TRIM16: variants seen among roughly 807,000 people sequenced by gnomAD.
TRIM16 encodes the protein tripartite motif containing 16.
A neutral mutation model predicts 50.4 loss-of-function variants in TRIM16; 33 were observed. The ratio of observed to expected loss-of-function variants is 0.65; its 90% CI spans 0.50 to 0.88. TRIM16 has a LOEUF of 0.88. TRIM16 is among the 40% of genes least tolerant of loss of function. The pLI, the probability that TRIM16 is intolerant of heterozygous loss-of-function variation, is 0.00. For missense variants in TRIM16, 581 were observed against 686.8 expected, an observed-to-expected ratio of 0.85 and a Z score of 1.72; for synonymous variants, 229 against 270.7, an observed-to-expected ratio of 0.85 and a Z score of 1.51.
At chr17:15,643,007 A>G (rs1196840609) in intron 7 of TRIM16, 191 bp from the exon 8 acceptor site, 2 of 619,520 alleles carry the variant, frequency 3.2e-6, no homozygotes, top group Non-Finnish European at 4.2e-6. Flanking sequence ...GGCTGCAGTC[A>G]GCATGAGTCA....
At chr17:15,657,313 G>A (rs930062432) in intron 6 of TRIM16, among the ~76,000 whole-genome samples, 6 of 151,702 alleles carry the variant, frequency 4.0e-5, no homozygotes, top group South Asian at 2.1e-4. Flanking sequence ...CACAGCTCAC[G>A]GCAGCCTTGA....
chr17:15,636,036 C>G lies in TRIM16; in HGVS notation c.849G>C (p.Glu283Asp). Residue 283 changes from glutamate (E) to aspartate (D), a missense_variant and splice_region_variant, in exon 9 of 12, where the codon GAG becomes GAC. Physicochemically the swap from Glu to Asp is conservative, Grantham distance 45 (BLOSUM62 2). This residue lies in a region of TRIM16 where 450 missense variants were observed against 544.3 expected (regional missense o/e 0.83). Transcript: ENST00000649191. Reference sequence around the variant, plus strand: ...GCCTCTGCCCCCGCAACCCCCATACCTCCAAGAACTGGACAGTGTTGCTGA... The same window carrying G: ...GCCTCTGCCCCCGCAACCCCCATACGTCCAAGAACTGGACAGTGTTGCTGA... Reference protein sequence around the residue: ...AAISNTVQFLEEYCKFKNTED... With the variant: ...AAISNTVQFLDEYCKFKNTED... The G allele has an allele frequency of 1.2e-6, 2 of 1,611,750 alleles. No homozygotes were observed. The highest frequency in any genetic ancestry group is 4.5e-5 in the East Asian group (2 of 44,374).
intron 8 of TRIM16, among the ~76,000 whole-genome samples, chr17:15,636,721 C>T (rs1197471898): frequency 2.7e-5 from 4 of 146,622 alleles, no homozygotes; most frequent in Non-Finnish European, 6.0e-5. Flanking sequence ...TCCATCAGAG[C>T]CAAATGCATG....
chr17:15,652,528 T>A (rs1215214620), intron 6 of TRIM16, among the ~76,000 whole-genome samples: 1 of 134,248 alleles, frequency 7.4e-6, no homozygotes, highest in African/African-American at 2.9e-5. Flanking sequence ...CAGTGTGGGA[T>A]CTTGGCTCAC....
chr17:15,644,839 G>A (rs1254418035), intron 7 of TRIM16, among the ~76,000 whole-genome samples: 3 of 151,682 alleles, frequency 2.0e-5, no homozygotes, highest in Non-Finnish European at 4.4e-5. Flanking sequence ...TTTTTGAGAT[G>A]GAGTCTCACA....
At chr17:15,670,477 CT>C (rs971171679) in intron 6 of TRIM16, among the ~76,000 whole-genome samples, 2 of 152,028 alleles carry the variant, frequency 1.3e-5, no homozygotes, top group African/African-American at 4.8e-5. Flanking sequence ...ACAGAAAGGT[CT>C]TTTTTTTATG....
Position 15,636,078 on chromosome 17 carries a change from C to T in TRIM16, c.807G>A (p.Leu269=), listed in dbSNP as rs1417730260. The T allele has an allele frequency of 2.5e-6, 4 of 1,609,590 alleles. No homozygotes were observed. The highest frequency in any genetic ancestry group is 3.4e-6 in the Non-Finnish European group (4 of 1,178,838). Residue 269 remains leucine (L), a synonymous_variant, in exon 9 of 12, where the codon CTG becomes CTA. Transcript: ENST00000649191. ...SAEMEKSKQE[L]ERMAAISNTV... Reference sequence around the variant, plus strand: ...TGTTGCTGATGGCCGCCATCCTCTCCAGCTCCTGCTTGCTCTTCTCCATCT... The same window carrying T: ...TGTTGCTGATGGCCGCCATCCTCTCTAGCTCCTGCTTGCTCTTCTCCATCT...
At chr17:15,643,393 C>T (rs1987204835) in intron 7 of TRIM16, 1 of 137,798 alleles carries the variant, frequency 7.3e-6, no homozygotes, top group Admixed American at 6.7e-5. Flanking sequence ...TTAACCCAGA[C>T]ATTCCTAAGT....
At chr17:15,684,053 C>T (rs1268788225) in intron 1 of TRIM16, 143 bp downstream of exon 1, 1 of 152,390 alleles carries the variant, frequency 6.6e-6, no homozygotes, top group African/African-American at 2.4e-5. Flanking sequence ...AAGACACGCT[C>T]CAGGGGCAGA....
chr17:15,631,673 G>A lies in TRIM16; in HGVS notation c.1057C>T (p.Arg353Cys), dbSNP rs1230655950. Residue 353 changes from arginine to cysteine, a missense_variant, in exon 11 of 12, where the codon CGC becomes TGC. Arg to Cys is a radical substitution (Grantham distance 180). Around this residue, in one of 3 missense-constraint regions of TRIM16, gnomAD observed 450 missense variants for 544.3 expected, o/e 0.83. Transcript: ENST00000649191. ...TCAGGTTTGGAAGTCCAATATTTGC[G>A]CTGAACAACGGCAGACACTTGAGTT... ...IRTQVSAVVQ[R>C]KYWTSKPEPS... 13 of 1,613,778 alleles carry A rather than the reference G, an allele frequency of 8.1e-6. No individual in the cohort carries two copies. The highest frequency in any genetic ancestry group is 6.7e-5 in the East Asian group (3 of 44,888).
chr17:15,644,014 G>A (rs1396802316), intron 7 of TRIM16, among the ~76,000 whole-genome samples: 9 of 152,072 alleles, frequency 5.9e-5, no homozygotes, highest in Admixed American at 5.9e-4. Context: ...GGTGTCCTAA[G>A]ATGTAACTCA....
chr17:15,638,870 T>A (rs977407781), intron 8 of TRIM16, among the ~76,000 whole-genome samples: 5 of 144,590 alleles, frequency 3.5e-5, no homozygotes, highest in African/African-American at 1.3e-4. Flanking sequence ...GTCTTCTGCC[T>A]GGCTCAGGCC....
Position 15,651,317 on chromosome 17 carries a change from A to T in TRIM16, c.293T>A (p.Val98Glu), listed in dbSNP as rs912745765. 4 of 1,614,064 alleles carry T rather than the reference A, an allele frequency of 2.5e-6. No individual in the cohort carries two copies. Among genetic ancestry groups the T allele is most frequent in the Non-Finnish European group, 3.4e-6 (4 of 1,180,036 alleles). The change falls in exon 7 of 12, where the codon GTG (valine) becomes GAG (glutamate). Residue 98 changes from valine to glutamate, a missense_variant. Physicochemically the swap from Val to Glu is moderately radical, Grantham distance 121. Transcript: ENST00000649191. ...KAVKSCLTCM[V>E]NYCEEHLQPH... The stretch of plus-strand genomic sequence containing the variant: ...CTGCAAGTGCTCTTCACAGTAATTC[A>T]CCATGCAGGTTAGACAGGACTTCAC...
At chr17:15,681,100 C>T in intron 3 of TRIM16, 147 bp from the exon 4 acceptor site, 1 of 646,950 alleles carries the variant, frequency 1.5e-6, no homozygotes. Context: ...TGTAATGAGA[C>T]TTCAAAGATA....
At chr17:15,640,126 G>T (rs1987051379) in intron 8 of TRIM16, among the ~76,000 whole-genome samples, 1 of 149,366 alleles carries the variant, frequency 6.7e-6, no homozygotes. Flanking sequence ...TTTGAACCAA[G>T]ACTGTCTGTC....
intron 6 of TRIM16, among the ~76,000 whole-genome samples, chr17:15,668,441 C>G (rs966429756): frequency 1.3e-5 from 2 of 152,178 alleles, no homozygotes; most frequent in Non-Finnish European, 2.9e-5. Flanking sequence ...GATCATGTCA[C>G]TTCTCTGGTT....
At chr17:15,669,744 G>A (rs1335814804) in intron 6 of TRIM16, among the ~76,000 whole-genome samples, 2 of 152,234 alleles carry the variant, frequency 1.3e-5, no homozygotes, top group East Asian at 3.8e-4. Context: ...ACCTCGTGGG[G>A]ATATACTGCC....
chr17:15,673,944 C>G (rs1317909420), intron 6 of TRIM16, among the ~76,000 whole-genome samples: 1 of 152,086 alleles, frequency 6.6e-6, no homozygotes, highest in African/African-American at 2.4e-5. Flanking sequence ...CTATGTAAGG[C>G]TGACAGTTTC....
At chr17:15,679,131 G>C (rs1437930001) in intron 4 of TRIM16, among the ~76,000 whole-genome samples, 1 of 151,970 alleles carries the variant, frequency 6.6e-6, no homozygotes, top group Non-Finnish European at 1.5e-5. Context: ...CGCCCACCTC[G>C]GCCTCCCAAA....
Sources: gnomAD v4.1 joint callset for allele counts (sites outside exome capture counted in the v4.1 genomes callset) on GRCh38, gnomAD v4.1.1 for gene constraint, gnomAD v4.1.1 regional missense constraint, MANE v1.5 for transcripts, NCBI Gene and HGNC (gene_info 2026-07-23, HGNC 2026-07-21) for gene names.